PDZD2: variants seen among roughly 807,000 people sequenced by gnomAD.
PDZD2 encodes the protein PDZ domain-containing protein 2.
PDZD2 carries 90 observed loss-of-function variants against 220.7 expected under a neutral mutation model. That is an observed-to-expected ratio of 0.41 (90% CI 0.34 to 0.49). The LOEUF is 0.49. Ranked by LOEUF, PDZD2 falls within the 20% of genes least tolerant of loss-of-function variation. The probability of loss-of-function intolerance (pLI) is 0.28; values close to 1 mark genes in which losing one functional copy is unlikely to be tolerated. For synonymous variants in PDZD2, 1,375 were observed against 1,450.5 expected (o/e 0.95, Z 1.18); for missense variants, 3,174 against 3,608.5 (o/e 0.88, Z 3.08).
Position 32,069,919 on chromosome 5 carries a change from A to G in PDZD2, c.2533+269A>G, listed in dbSNP as rs375145789. Among the ~76,000 whole-genome samples, 6 of 152,338 alleles carry G rather than the reference A, an allele frequency of 3.9e-5. No homozygotes were observed. In the South Asian group the frequency reaches 1.2e-3, roughly 32 times the overall value. The stretch of plus-strand genomic sequence containing the variant: ...TAAGTTAGAAGTGTTGCATGTATAT[A>G]TGCTTGATTCATTCAAAATGCTAAA... On this transcript the variant is annotated intron_variant, in intron 15 of 24. Transcript: ENST00000438447.
intron 1 of PDZD2, among the ~76,000 whole-genome samples, chr5:31,777,027 C>T (rs1176130893): frequency 3.9e-5 from 6 of 152,254 alleles, no homozygotes; most frequent in East Asian, 3.9e-4. Context: ...TTCAGCCCAC[C>T]GCTGCACTGT....
At chr5:31,825,415 A>G (rs1476979366) in intron 2 of PDZD2, among the ~76,000 whole-genome samples, 2 of 152,210 alleles carry the variant, frequency 1.3e-5, no homozygotes, top group Non-Finnish European at 2.9e-5. Flanking sequence ...GGCAGTTTCC[A>G]GCACCAGTTC....
At chr5:31,869,831 C>T (rs1282706004) in intron 2 of PDZD2, among the ~76,000 whole-genome samples, 4 of 152,114 alleles carry the variant, frequency 2.6e-5, no homozygotes, top group Non-Finnish European at 2.9e-5. Flanking sequence ...TTCCTGCTGT[C>T]GGCTCGGGCA....
At chr5:31,836,150 T>C (rs1756928080) in intron 2 of PDZD2, among the ~76,000 whole-genome samples, 1 of 151,952 alleles carries the variant, frequency 6.6e-6, no homozygotes, top group Non-Finnish European at 1.5e-5. Context: ...TGTATCTTTA[T>C]TAAAAAACAG....
chr5:31,646,044 GC>G lies in PDZD2; in HGVS notation c.-361+6608del, dbSNP rs1379332671. 3.0e-5 allele frequency among the ~76,000 whole-genome samples: 2 copies of G among 66,988 alleles called. No individual in the cohort carries two copies. Among genetic ancestry groups the G allele is most frequent in the Admixed American group, 1.5e-4 (1 of 6,668 alleles). 43.9% of individuals were successfully genotyped at this position (66,988 alleles called of 152,430 possible). On this transcript the variant is annotated intron_variant, in intron 1 of 24. Coordinates refer to ENST00000438447, the MANE Select transcript of PDZD2 (RefSeq NM_178140.4). The surrounding 1 kb of genome is among the most constrained non-coding windows in gnomAD (Gnocchi z 4.7). The stretch of plus-strand genomic sequence containing the variant: ...AGAGGGTGTCAGGGAGCTTTGCACT[GC>G]GGGGGGGCCTTCTCACTACTGTCAC...
chr5:31,761,766 C>T (rs1751668994), intron 1 of PDZD2, among the ~76,000 whole-genome samples: 1 of 150,534 alleles, frequency 6.6e-6, no homozygotes, highest in African/African-American at 2.4e-5. Context: ...GAGGCTGAGA[C>T]AGGAGAATCG....
intron 2 of PDZD2, among the ~76,000 whole-genome samples, chr5:31,915,491 A>G (rs902451142): frequency 6.6e-6 from 1 of 152,138 alleles, no homozygotes; most frequent in Admixed American, 6.5e-5. Flanking sequence ...ATTTCAGCCT[A>G]GAAGCAGGCA....
chr5:32,110,613 AAT>A lies in PDZD2; in HGVS notation c.*2481_*2482del, dbSNP rs1745299352. 6.6e-6 allele frequency: 1 copy of A among 152,636 alleles called. No individual in the cohort carries two copies. Among genetic ancestry groups the A allele is most frequent in the African/African-American group, 2.4e-5 (1 of 41,452 alleles). 9.5% of individuals were successfully genotyped at this position (152,636 alleles called of 1,614,324 possible). ...TCACAATAAGCTATGAGGGTAAATA[AAT>A]ATGTGTTATAACAAGTAAACCGTAG... On this transcript the variant is annotated 3_prime_UTR_variant, in exon 25 of 25. Transcript: ENST00000438447.
intron 6 of PDZD2, among the ~76,000 whole-genome samples, chr5:32,019,424 G>A (rs921009688): frequency 6.6e-5 from 10 of 152,182 alleles, no homozygotes; most frequent in Non-Finnish European, 8.8e-5. Context: ...GATTGCAGGC[G>A]TGAGCCACGT....
chr5:31,783,925 G>A (rs148887494), intron 1 of PDZD2, among the ~76,000 whole-genome samples: 21 of 152,270 alleles, frequency 1.4e-4, no homozygotes, highest in East Asian at 7.7e-4. Flanking sequence ...GCCGAGTGAC[G>A]TCATGGACAC....
chr5:31,711,858 C>A (rs566982103), intron 1 of PDZD2, among the ~76,000 whole-genome samples: 1 of 152,300 alleles, frequency 6.6e-6, no homozygotes, highest in Admixed American at 6.5e-5. Flanking sequence ...CTCGAAGTCA[C>A]CAGCCTCAGA....
At chr5:31,855,448 G>A (rs917715189) in intron 2 of PDZD2, among the ~76,000 whole-genome samples, 2 of 152,244 alleles carry the variant, frequency 1.3e-5, no homozygotes, top group Non-Finnish European at 2.9e-5. Context: ...CGCCCCGGCT[G>A]TGTGTGACGG....
chr5:31,910,350 T>A (rs1743067190), intron 2 of PDZD2, among the ~76,000 whole-genome samples: 1 of 150,164 alleles, frequency 6.7e-6, no homozygotes, highest in South Asian at 2.1e-4. Context: ...CTCCCAAGCA[T>A]CTGGGATTAC....
intron 5 of PDZD2, among the ~76,000 whole-genome samples, chr5:32,004,008 A>AG (rs1232371589): frequency 6.6e-6 from 1 of 152,060 alleles, no homozygotes; most frequent in South Asian, 2.1e-4. Flanking sequence ...CACTGCATCC[A>AG]GCCTCTCCTG....
intron 2 of PDZD2, among the ~76,000 whole-genome samples, chr5:31,910,217 A>ATTTAT (rs1743047263): frequency 9.4e-6 from 1 of 106,842 alleles, no homozygotes; most frequent in African/African-American, 3.7e-5. Context: ...GAGTTCCTGC[A>ATTTAT]TTTTTTTTTT....
At chr5:31,847,580 C>T (rs751344401) in intron 2 of PDZD2, 1 of 686,044 alleles carries the variant, frequency 1.5e-6, no homozygotes, top group Non-Finnish European at 2.7e-6. Context: ...CTGCTGCTGG[C>T]TCGGAGGCTT....
chr5:32,097,295 G>A lies in PDZD2; in HGVS notation c.7862G>A (p.Cys2621Tyr), dbSNP rs1743809009. ...TTTCACTAGAATGAAGAAGATGTTTGCTTCATAGTCTTGAATAGAAAAGAA... is the reference window on the plus strand; with the variant it reads ...TTTCACTAGAATGAAGAAGATGTTTACTTCATAGTCTTGAATAGAAAAGAA... ...KAQSENEEDV[C>Y]FIVLNRKEGS... Residue 2621 changes from cysteine (C) to tyrosine (Y), a missense_variant, in exon 22 of 25, where the codon TGC becomes TAC. Coordinates refer to ENST00000438447, the MANE Select transcript of PDZD2 (RefSeq NM_178140.4). The A allele has an allele frequency of 6.2e-7, 1 of 1,609,144 alleles. No individual in the cohort carries two copies. Among genetic ancestry groups the A allele is most frequent in the African/African-American group, 1.3e-5 (1 of 74,802 alleles).
At chr5:31,649,863 G>A (rs1442730490) in intron 1 of PDZD2, among the ~76,000 whole-genome samples, 3 of 147,922 alleles carry the variant, frequency 2.0e-5, no homozygotes, top group Non-Finnish European at 3.0e-5. Flanking sequence ...GCTTGAACCC[G>A]GGAGGCGGAG....
At chr5:31,971,923 A>G (rs1484776802) in intron 2 of PDZD2, among the ~76,000 whole-genome samples, 1 of 152,196 alleles carries the variant, frequency 6.6e-6, no homozygotes, top group African/African-American at 2.4e-5. Flanking sequence ...CACAGCAGGT[A>G]TGATTCCAGT....
Sources: allele counts gnomAD v4.1 joint callset (sites outside exome capture counted in the v4.1 genomes callset), GRCh38; gene constraint gnomAD v4.1.1; non-coding constraint Gnocchi (gnomAD v3.1); transcripts MANE v1.5; gene names NCBI Gene and HGNC (gene_info 2026-07-23, HGNC 2026-07-21).